SNTG2: variants seen among roughly 807,000 people sequenced by gnomAD.
The protein encoded by SNTG2 is gamma-2-syntrophin.
SNTG2 carries 74 observed loss-of-function variants against 70.9 expected under a neutral mutation model. The observed-to-expected ratio is 1.04, with a 90% CI of 0.86 to 1.27. The LOEUF (loss-of-function observed/expected upper bound fraction) is 1.27. SNTG2 is among the 50% of genes most tolerant of loss of function. The probability of loss-of-function intolerance (pLI) is 0.00; values close to 1 mark genes in which losing one functional copy is unlikely to be tolerated. For synonymous variants in SNTG2, 278 were observed against 273.8 expected, an observed-to-expected ratio of 1.02 and a Z score of -0.15; for missense variants, 717 against 690.7, an observed-to-expected ratio of 1.04 and a Z score of -0.43.
At chr2:1,263,166 A>G (rs915087246) in intron 13 of SNTG2, among the ~76,000 whole-genome samples, 1 of 152,236 alleles carries the variant, frequency 6.6e-6, no homozygotes, top group African/African-American at 2.4e-5. Context: ...TCAAAGAGCT[A>G]TATGTATGAG....
intron 9 of SNTG2, chr2:1,219,810 T>C (rs1229203122): frequency 1.3e-5 from 2 of 151,996 alleles, no homozygotes; most frequent in Admixed American, 1.3e-4. Flanking sequence ...TTGCCCCACA[T>C]CTACCATGTT....
chr2:1,123,008 G>T (rs532602577), intron 4 of SNTG2, among the ~76,000 whole-genome samples: 1 of 152,084 alleles, frequency 6.6e-6, no homozygotes, highest in African/African-American at 2.4e-5. Flanking sequence ...GGAGATAAAA[G>T]ACCTATACAA....
chr2:998,842 T>C (rs1661777565), intron 1 of SNTG2, among the ~76,000 whole-genome samples: 1 of 152,058 alleles, frequency 6.6e-6, no homozygotes. Context: ...ATTATTACAC[T>C]ATCCAAAGAC....
At chr2:1,134,836 C>G (rs1352443806) in intron 4 of SNTG2, among the ~76,000 whole-genome samples, 3 of 152,172 alleles carry the variant, frequency 2.0e-5, no homozygotes, top group African/African-American at 7.2e-5. Context: ...GAGGCTCAGG[C>G]ATGGCGGGCT....
At position 955,425 on chromosome 2, in the gene SNTG2, A is replaced by G. The variant is rs534090900; in HGVS notation, c.72+4357A>G. ...GTGCTTATTGGCCTCCATTTTATAA[A>G]TTTACTTTTCCTCTTGTTTTTATTT... On this transcript the variant is annotated intron_variant, in intron 1 of 16. Transcript: ENST00000308624. 7.2e-5 allele frequency among the ~76,000 whole-genome samples: 11 copies of G among 152,308 alleles called. No homozygotes were observed. The East Asian group carries it at 1.7e-3, about 24-fold the overall frequency.
At chr2:1,143,429 ACACTAAACTCTACC>A in intron 6 of SNTG2, among the ~76,000 whole-genome samples, 1 of 152,052 alleles carries the variant, frequency 6.6e-6, no homozygotes, top group Admixed American at 6.5e-5. Flanking sequence ...CCCTTATCCA[ACACTAAACTCTACC>A]CACTAGGATT....
At chr2:1,349,264 A>C (rs530239294) in intron 16 of SNTG2, among the ~76,000 whole-genome samples, 1 of 152,296 alleles carries the variant, frequency 6.6e-6, no homozygotes, top group East Asian at 1.9e-4. Flanking sequence ...GGTCTGAAAA[A>C]CTATCTCAAA....
At chr2:1,028,398 C>T (rs1268868575) in intron 1 of SNTG2, among the ~76,000 whole-genome samples, 1 of 152,222 alleles carries the variant, frequency 6.6e-6, no homozygotes, top group African/African-American at 2.4e-5. Context: ...CCTGGGTATT[C>T]ACTGACTGCA....
chr2:1,038,346 A>G (rs1339011989), intron 1 of SNTG2, among the ~76,000 whole-genome samples: 1 of 152,222 alleles, frequency 6.6e-6, no homozygotes, highest in Non-Finnish European at 1.5e-5. Flanking sequence ...TTCTACTTTC[A>G]GACTGGCAAA....
chr2:971,451 G>A (rs1660736503), intron 1 of SNTG2, among the ~76,000 whole-genome samples: 1 of 152,122 alleles, frequency 6.6e-6, no homozygotes, highest in African/African-American at 2.4e-5. Flanking sequence ...GTTCATAGAG[G>A]TGTTCATAAT....
intron 4 of SNTG2, among the ~76,000 whole-genome samples, chr2:1,129,146 C>T (rs1667875164): frequency 6.6e-6 from 1 of 152,154 alleles, no homozygotes; most frequent in South Asian, 2.1e-4. Flanking sequence ...TTGAGATAAG[C>T]TAAAGGATTT....
At position 1,137,596 on chromosome 2, in the gene SNTG2, CTG is replaced by C. The variant is rs757053676; in HGVS notation, c.326-24_326-23del. 2.5e-6 allele frequency: 4 copies of C among 1,609,664 alleles called. No homozygotes were observed. The East Asian group carries it at 8.9e-5, about 36-fold the overall frequency. ...CATGTCACTGAGATTTCTCTTAAAA[CTG>C]TTGCCACTTTTGCCACCCTGCAGCT... is the stretch of plus-strand genomic sequence containing the variant. On this transcript the variant is annotated intron_variant, in intron 4 of 16. Transcript: ENST00000308624.
chr2:1,233,671 CAT>C (rs1384387540), intron 9 of SNTG2, among the ~76,000 whole-genome samples: 6 of 152,212 alleles, frequency 3.9e-5, no homozygotes, highest in Admixed American at 6.5e-5. Context: ...TACGTTAAGA[CAT>C]GTGCTTTGAA....
intron 4 of SNTG2, among the ~76,000 whole-genome samples, chr2:1,132,240 T>TAC (rs1411898636): frequency 8.9e-6 from 1 of 112,340 alleles, no homozygotes; most frequent in Non-Finnish European, 2.3e-5. Flanking sequence ...TGTGTGTGTA[T>TAC]ATATATACAC....
chr2:1,033,205 G>A (rs141136797), intron 1 of SNTG2, among the ~76,000 whole-genome samples: 1 of 152,184 alleles, frequency 6.6e-6, no homozygotes, highest in Admixed American at 6.5e-5. Context: ...CAGCATCCCA[G>A]TTGGTACTGC....
chr2:967,191 A>G (rs983306716), intron 1 of SNTG2, among the ~76,000 whole-genome samples: 2 of 152,178 alleles, frequency 1.3e-5, no homozygotes, highest in African/African-American at 4.8e-5. Flanking sequence ...TTTCTCTTTT[A>G]GCAACTGGTA....
chr2:1,187,376 A>G (rs1387365784), intron 8 of SNTG2, among the ~76,000 whole-genome samples: 3 of 152,170 alleles, frequency 2.0e-5, no homozygotes, highest in Admixed American at 6.5e-5. Context: ...GCCTCGTCCA[A>G]TCAGTTGAAG....
chr2:1,312,354 A>G (rs960094066), intron 15 of SNTG2, among the ~76,000 whole-genome samples: 4 of 152,168 alleles, frequency 2.6e-5, no homozygotes, highest in African/African-American at 7.2e-5. Context: ...CGATGTCCAC[A>G]TCCTCTTCTC....
intron 14 of SNTG2, among the ~76,000 whole-genome samples, chr2:1,290,932 A>G (rs1411211794): frequency 6.6e-6 from 1 of 152,256 alleles, no homozygotes; most frequent in Non-Finnish European, 1.5e-5. Flanking sequence ...TTTCCATAAC[A>G]TTACAAAATT....
Sources: gnomAD v4.1 joint callset for allele counts (sites outside exome capture counted in the v4.1 genomes callset) on GRCh38, gnomAD v4.1.1 for gene constraint, MANE v1.5 for transcripts, NCBI Gene and HGNC (gene_info 2026-07-23, HGNC 2026-07-21) for gene names.